The following RPS6KB1 variants were observed in gnomAD, a reference collection of about 807,000 sequenced individuals.
RPS6KB1 encodes ribosomal protein S6 kinase B1.
RPS6KB1 carries 12 observed loss-of-function variants against 70.2 expected under a neutral mutation model. The observed-to-expected ratio is 0.17, with a 90% CI of 0.11 to 0.28. The LOEUF (loss-of-function observed/expected upper bound fraction) is 0.28, where lower values mean the gene tolerates loss of function less well. RPS6KB1 is among the 10% of genes least tolerant of loss of function. The probability of loss-of-function intolerance (pLI) is 1.00; values close to 1 mark genes in which losing one functional copy is unlikely to be tolerated. For synonymous variants in RPS6KB1, 175 were observed against 211.2 expected (o/e 0.83, Z 1.49); for missense variants, 270 against 646.6 (o/e 0.42, Z 6.32).
intron 4 of RPS6KB1, 114 bp downstream of exon 4, chr17:59,914,817 T>A: frequency 1.1e-6 from 1 of 873,880 alleles, no homozygotes; most frequent in Non-Finnish European, 1.8e-6. Flanking sequence ...CATTTTGGCC[T>A]AAAATTTGCA....
chr17:59,922,564 T>TC (rs1311783717), intron 4 of RPS6KB1, among the ~76,000 whole-genome samples: 1 of 140,306 alleles, frequency 7.1e-6, no homozygotes. Context: ...TTTTTTTTTT[T>TC]TTTTTTTTTT....
rs188378315 is a variant in RPS6KB1 at position 59,903,694 on chromosome 17, T to A, written c.142-6868T>A. 5.3e-4 allele frequency among the ~76,000 whole-genome samples: 81 copies of A among 152,222 alleles called. 1 individual carries two copies. The highest frequency in any genetic ancestry group is 1.9e-3 in the African/African-American group (80 of 41,562). On this transcript the variant is annotated intron_variant, in intron 1 of 14. Transcript: ENST00000225577. Reference sequence around the variant, plus strand: ...TGTATGAGGGTTCCAGTTTCTCTCATCCTCCCCCAACTTACTTTTCCTCTT... The same window carrying A: ...TGTATGAGGGTTCCAGTTTCTCTCAACCTCCCCCAACTTACTTTTCCTCTT...
chr17:59,936,303 T>C lies in RPS6KB1; in HGVS notation c.1041+26T>C, dbSNP rs1398609107. 2.5e-6 allele frequency: 4 copies of C among 1,581,968 alleles called. No individual in the cohort carries two copies. The African/African-American group carries it at 4.1e-5, about 16-fold the overall frequency. On this transcript the variant is annotated intron_variant, in intron 11 of 14. Coordinates refer to ENST00000225577, the MANE Select transcript of RPS6KB1 (RefSeq NM_003161.4). ...GTAGGGATTGGCATCTTTGGTGTTT[T>C]GTGGGGAAGATAATGCTAGTTTTAT...
At chr17:59,930,350 G>A (rs2043861367) in intron 6 of RPS6KB1, 176 bp downstream of exon 6, 2 of 636,326 alleles carry the variant, frequency 3.1e-6, no homozygotes, top group Admixed American at 2.6e-5. Context: ...TCATTCCTTT[G>A]CCCTTAGGCT....
In RPS6KB1 at chr17:59,947,754, GAAC is replaced by G; in HGVS notation, c.*971_*973del. The G allele has an allele frequency of 1.7e-6, 1 of 583,008 alleles. No individual in the cohort carries two copies. Among genetic ancestry groups the G allele is most frequent in the Non-Finnish European group, 3.1e-6 (1 of 320,854 alleles). The allele number at this position is 583,008 out of a possible 1,614,324, so 36.1% of individuals were successfully genotyped here. ...CAAATGTCTTCAGCCCATGGCTGAA[GAAC>G]AACAGAAGAGAGTCAGGATAAAAAA... On this transcript the variant is annotated 3_prime_UTR_variant, in exon 15 of 15. Transcript: ENST00000225577.
In RPS6KB1 at chr17:59,903,139, C is replaced by G. The variant is rs576432707; in HGVS notation, c.142-7423C>G. Among the ~76,000 whole-genome samples the G allele has an allele frequency of 8.5e-5, 13 of 152,072 alleles. No homozygotes were observed. The East Asian group carries it at 2.5e-3, about 29-fold the overall frequency. On this transcript the variant is annotated intron_variant, in intron 1 of 14. Coordinates refer to ENST00000225577, the MANE Select transcript of RPS6KB1 (RefSeq NM_003161.4). Reference sequence around the variant, plus strand: ...TGGCCAAGATGCTGAAACCCCATCTCTACTAAAAATACAAAAATTAGCCGG... The same window carrying G: ...TGGCCAAGATGCTGAAACCCCATCTGTACTAAAAATACAAAAATTAGCCGG...
In RPS6KB1 at chr17:59,946,973, TAAAGC is replaced by T; in HGVS notation, c.*189_*193del. 2 of 1,427,512 alleles carry T rather than the reference TAAAGC, an allele frequency of 1.4e-6. No homozygotes were observed. The highest frequency in any genetic ancestry group is 1.8e-6 in the Non-Finnish European group (2 of 1,093,430). The allele number at this position is 1,427,512 out of a possible 1,614,324, so 88.4% of individuals were successfully genotyped here. ...TCAATCAATGGTGCAAAAAAAAACT[TAAAGC>T]AAAATAGTATTGCTGAACTCTTAGG... is the stretch of plus-strand genomic sequence containing the variant. On this transcript the variant is annotated 3_prime_UTR_variant, in exon 15 of 15. Coordinates refer to ENST00000225577, the MANE Select transcript of RPS6KB1 (RefSeq NM_003161.4). This position sits in a 1 kb window ranked among gnomAD's most constrained non-coding sequence, Gnocchi z 4.2.
At chr17:59,929,390 C>T (rs2043810556) in intron 5 of RPS6KB1, among the ~76,000 whole-genome samples, 2 of 152,198 alleles carry the variant, frequency 1.3e-5, no homozygotes, top group East Asian at 1.9e-4. Flanking sequence ...TAAGCCACTG[C>T]GCCCAGCCCA....
intron 4 of RPS6KB1, among the ~76,000 whole-genome samples, chr17:59,921,113 G>T (rs1379956101): frequency 6.6e-6 from 1 of 152,146 alleles, no homozygotes; most frequent in Non-Finnish European, 1.5e-5. Context: ...TTTGGCACAG[G>T]TATCTAGTGA....
In RPS6KB1 at chr17:59,950,285, A is replaced by C. The variant is rs1283275040; in HGVS notation, c.*3497A>C. 1 of 152,578 alleles carries C rather than the reference A, an allele frequency of 6.6e-6. No homozygotes were observed. Among genetic ancestry groups the C allele is most frequent in the Admixed American group, 6.5e-5 (1 of 15,276 alleles). 9.5% of individuals were successfully genotyped at this position (152,578 alleles called of 1,614,324 possible). On this transcript the variant is annotated 3_prime_UTR_variant, in exon 15 of 15. Transcript: ENST00000225577. ...TTCGCTTTGCATCTATCAGTAAATA[A>C]AATTCTTCAGCTGCCTTATTAGGAG...
At chr17:59,939,722 T>A (rs865801136) in intron 12 of RPS6KB1, among the ~76,000 whole-genome samples, 84 of 152,212 alleles carry the variant, frequency 5.5e-4, no homozygotes, top group African/African-American at 1.9e-3. Flanking sequence ...ATAAGGAAAC[T>A]GGTGTTCTAT....
At chr17:59,944,749 A>G (rs1279930270) in intron 13 of RPS6KB1, among the ~76,000 whole-genome samples, 2 of 151,994 alleles carry the variant, frequency 1.3e-5, no homozygotes, top group Non-Finnish European at 2.9e-5. Flanking sequence ...CTGTGGCTAG[A>G]AACACTAGAA....
At chr17:59,904,237 C>A (rs574894949) in intron 1 of RPS6KB1, among the ~76,000 whole-genome samples, 1 of 150,962 alleles carries the variant, frequency 6.6e-6, no homozygotes, top group Non-Finnish European at 1.5e-5. Flanking sequence ...CGCACCAACA[C>A]GTCCGGCTAA....
At chr17:59,912,614 T>C in intron 2 of RPS6KB1, 70 bp from the exon 3 acceptor site, 1 of 1,507,026 alleles carries the variant, frequency 6.6e-7, no homozygotes, top group Admixed American at 2.0e-5. Context: ...CTGTCTCCTT[T>C]TTCTTGACTA....
Position 59,940,824 on chromosome 17 carries a change from G to C in RPS6KB1, c.1120-12G>C, listed in dbSNP as rs977794950. ...TATTTATTATTTTCTAAATTATTTT[G>C]TTTGTATAAAGCAATCTGAAGAGGA... On this transcript the variant is annotated splice_polypyrimidine_tract_variant and intron_variant, in intron 12 of 14. Coordinates refer to ENST00000225577, the MANE Select transcript of RPS6KB1 (RefSeq NM_003161.4). The C allele has an allele frequency of 6.9e-7, 1 of 1,458,592 alleles. No individual in the cohort carries two copies. The highest frequency in any genetic ancestry group is 1.4e-5 in the African/African-American group (1 of 71,876). 90.4% of individuals were successfully genotyped at this position (1,458,592 alleles called of 1,614,324 possible). A position where few individuals can be genotyped will look rare whatever the true frequency, so the allele number is the denominator to read the frequency against.
chr17:59,936,765 T>A (rs1188560198), intron 12 of RPS6KB1, among the ~76,000 whole-genome samples: 1 of 152,234 alleles, frequency 6.6e-6, no homozygotes, highest in African/African-American at 2.4e-5. Flanking sequence ...GAGGATCGCT[T>A]GATATTTTTT....
At chr17:59,911,519 C>A (rs61041805) in intron 2 of RPS6KB1, among the ~76,000 whole-genome samples, 18,522 of 147,268 alleles carry the variant, frequency 0.13, 1,415 homozygotes, top group Middle Eastern at 0.2. Flanking sequence ...CACCACCACA[C>A]CTGGCTAATT....
intron 5 of RPS6KB1, among the ~76,000 whole-genome samples, chr17:59,928,159 CACA>C (rs1313852138): frequency 2.7e-5 from 1 of 37,014 alleles, no homozygotes; most frequent in African/African-American, 2.1e-4. Flanking sequence ...CTCAGTCTCA[CACA>C]CACACACACA....
chr17:59,913,034 GA>G (rs1568421097), intron 3 of RPS6KB1, among the ~76,000 whole-genome samples: 2 of 152,156 alleles, frequency 1.3e-5, no homozygotes, highest in African/African-American at 4.8e-5. Context: ...AAGGTTCATA[GA>G]ATACATAAAT....
Sources: gnomAD v4.1 joint callset for allele counts (sites outside exome capture counted in the v4.1 genomes callset) on GRCh38, gnomAD v4.1.1 for gene constraint, Gnocchi (gnomAD v3.1) non-coding constraint, MANE v1.5 for transcripts, NCBI Gene and HGNC (gene_info 2026-07-23, HGNC 2026-07-21) for gene names.